CDH18: variants seen among roughly 807,000 people sequenced by gnomAD.
CDH18 encodes cadherin 18, also known as cadherin-18.
CDH18 carries 31 observed loss-of-function variants against 67.9 expected under a neutral mutation model. The ratio of observed to expected loss-of-function variants is 0.46; its 90% confidence interval spans 0.34 to 0.62. CDH18 has a LOEUF of 0.62. Ranked by LOEUF, CDH18 falls within the 20% of genes least tolerant of loss-of-function variation. The pLI is 0.01. For synonymous variants in CDH18, 362 were observed against 347.2 expected, an observed-to-expected ratio of 1.04 and a Z score of -0.48; for missense variants, 890 against 975.5, an observed-to-expected ratio of 0.91 and a Z score of 1.17.
rs549632148 is a variant in CDH18 at position 19,981,806 on chromosome 5, A to G, written c.-375-628T>C. ...CACTCTCCCTGGAATATGGTTCCTG[A>G]GACAGCAACATGGTTCATATCCACA... On this transcript the variant is annotated intron_variant, in intron 1 of 12. Coordinates refer to ENST00000382275, the MANE Select transcript of CDH18 (RefSeq NM_004934.5). 2.6e-5 allele frequency among the ~76,000 whole-genome samples: 4 copies of G among 152,252 alleles called. No homozygotes were observed. In the East Asian group the frequency reaches 7.7e-4, roughly 29 times the overall value.
chr5:20,453,453 G>A (rs1253302922), intron 1 of CDH18, among the ~76,000 whole-genome samples: 1 of 151,986 alleles, frequency 6.6e-6, no homozygotes, highest in African/African-American at 2.4e-5. Context: ...CAACAAATAA[G>A]CTAGAAAGAA....
At chr5:19,521,635 A>G (rs910160520) in intron 9 of CDH18, among the ~76,000 whole-genome samples, 5 of 152,152 alleles carry the variant, frequency 3.3e-5, no homozygotes, top group African/African-American at 1.2e-4. Flanking sequence ...CAATATTGGG[A>G]AAAAGGGAAT....
chr5:20,107,318 C>G lies in CDH18; in HGVS notation c.-517-115304G>C, dbSNP rs574094845. Among the ~76,000 whole-genome samples the G allele has an allele frequency of 7.2e-5, 11 of 152,198 alleles. No homozygotes were observed. The South Asian group carries it at 2.3e-3, about 32-fold the overall frequency. ...GTCGATCTCCTTACCTCGTGATCCG[C>G]CTGCCTTGGCCTCCCAAAGTGCTGT... On this transcript the variant is annotated intron_variant, in intron 2 of 14. Coordinates refer to the CDH18 transcript ENST00000507958.
At chr5:20,506,271 G>T (rs914158589) in intron 1 of CDH18, among the ~76,000 whole-genome samples, 9 of 152,172 alleles carry the variant, frequency 5.9e-5, no homozygotes, top group Non-Finnish European at 2.9e-5. Flanking sequence ...CTCCTAACTT[G>T]CAGAATAGAA....
At chr5:19,932,749 C>A (rs1389089360) in intron 2 of CDH18, among the ~76,000 whole-genome samples, 1 of 151,466 alleles carries the variant, frequency 6.6e-6, no homozygotes, top group Admixed American at 6.6e-5. Context: ...TTTTCTTCAT[C>A]CCATGCCTAA....
rs576858734 is a variant in CDH18 at position 19,877,362 on chromosome 5, T to C, written c.-256-38120A>G. Among the ~76,000 whole-genome samples, 3 of 152,282 alleles carry C rather than the reference T, an allele frequency of 2.0e-5. No homozygotes were observed. In the East Asian group the frequency reaches 5.8e-4, roughly 29 times the overall value. On this transcript the variant is annotated intron_variant, in intron 2 of 12. Coordinates refer to ENST00000382275, the MANE Select transcript of CDH18 (RefSeq NM_004934.5). ...AATTTTAAATGTGGGTATGCTTTGA[T>C]TGAGCAATTCTAATTTGGGGATTTT...
chr5:20,489,945 A>G (rs950644057), intron 1 of CDH18, among the ~76,000 whole-genome samples: 1 of 151,776 alleles, frequency 6.6e-6, no homozygotes, highest in African/African-American at 2.4e-5. Context: ...TAAAGAAAAC[A>G]CTAGATTTTT....
rs79893244 is a variant in CDH18 at position 19,781,416 on chromosome 5, G to C, written c.229-34180C>G. 3.6e-3 allele frequency among the ~76,000 whole-genome samples: 544 copies of C among 152,118 alleles called. 1 individual carries two copies. The highest frequency in any genetic ancestry group is 0.012 in the African/African-American group (519 of 41,526). On this transcript the variant is annotated intron_variant, in intron 3 of 12. Transcript: ENST00000382275. ...TATTAGAAAATGGAAATATGTGTAT[G>C]ACCTACAAGTGTACTCCTTGAAAGA...
chr5:19,711,650 T>TAAAAAAAAAAAAAAA (rs3062941), intron 5 of CDH18, among the ~76,000 whole-genome samples: 3 of 115,602 alleles, frequency 2.6e-5, no homozygotes, highest in African/African-American at 1.1e-4. Context: ...TAGTATAAAG[T>TAAAAAAAAAAAAAAA]AAAAAAAAAA....
chr5:20,442,520 G>A (rs1749681234), intron 1 of CDH18, among the ~76,000 whole-genome samples: 1 of 151,854 alleles, frequency 6.6e-6, no homozygotes, highest in Non-Finnish European at 1.5e-5. Context: ...GTGCGCTAAT[G>A]GCAGTTGGCC....
At chr5:20,346,589 G>A (rs530185194) in intron 1 of CDH18, among the ~76,000 whole-genome samples, 1 of 152,144 alleles carries the variant, frequency 6.6e-6, no homozygotes, top group African/African-American at 2.4e-5. Context: ...AAAACTCTGG[G>A]CCTTGAGTTG....
chr5:20,088,240 G>A (rs767437273), intron 2 of CDH18, among the ~76,000 whole-genome samples: 10 of 152,128 alleles, frequency 6.6e-5, no homozygotes, highest in Admixed American at 1.3e-4. Context: ...TACAAATGTG[G>A]TTTCACTTAA....
At position 19,721,434 on chromosome 5, in the gene CDH18, C is replaced by T; in HGVS notation, c.556G>A (p.Ala186Thr). ...TSVLQVTATDADDPTYGNSAR... is the reference protein window; with the variant it reads ...TSVLQVTATDTDDPTYGNSAR... ...CTGTTTCCATAGGTAGGGTCATCTG[C>T]ATCAGTAGCTGTCACCTGTAGAACA... The change falls in exon 5 of 13, where the codon GCA (alanine) becomes ACA (threonine). Residue 186 changes from alanine to threonine, a missense_variant. Physicochemically the swap from Ala to Thr is moderately conservative, Grantham distance 58. This residue lies in a region of CDH18 where 234 missense variants were observed against 307.4 expected (regional missense o/e 0.76). Coordinates refer to ENST00000382275, the MANE Select transcript of CDH18 (RefSeq NM_004934.5). 1 of 1,612,280 alleles carries T rather than the reference C, an allele frequency of 6.2e-7. No homozygotes were observed. The highest frequency in any genetic ancestry group is 8.5e-7 in the Non-Finnish European group (1 of 1,178,622).
intron 1 of CDH18, among the ~76,000 whole-genome samples, chr5:20,376,180 G>A (rs527794653): frequency 1.4e-5 from 2 of 140,872 alleles, no homozygotes; most frequent in East Asian, 2.3e-4. Context: ...TGCAGGCTCC[G>A]CCTCCCGGGT....
intron 2 of CDH18, among the ~76,000 whole-genome samples, chr5:20,030,686 T>C (rs1189526534): frequency 1.3e-5 from 2 of 152,126 alleles, no homozygotes; most frequent in African/African-American, 2.4e-5. Flanking sequence ...CAGATGTGAA[T>C]GGCCAAAAAA....
intron 11 of CDH18, among the ~76,000 whole-genome samples, 198 bp from the exon 12 acceptor site, chr5:19,483,750 T>C (rs1203369215): frequency 6.6e-6 from 1 of 152,062 alleles, no homozygotes; most frequent in East Asian, 1.9e-4. Context: ...GAAAAATTAA[T>C]ACAGCCACAC....
chr5:19,831,090 G>A (rs1780977040), intron 3 of CDH18, among the ~76,000 whole-genome samples: 1 of 152,106 alleles, frequency 6.6e-6, no homozygotes, highest in Non-Finnish European at 1.5e-5. Flanking sequence ...CAGGTACTAT[G>A]CTTATTACCT....
At chr5:20,214,879 A>T (rs1486629469) in intron 2 of CDH18, among the ~76,000 whole-genome samples, 5 of 152,124 alleles carry the variant, frequency 3.3e-5, no homozygotes, top group Non-Finnish European at 5.9e-5. Flanking sequence ...TCACAGCAAA[A>T]GAAACTATCA....
At chr5:19,866,269 T>A (rs563577198) in intron 2 of CDH18, among the ~76,000 whole-genome samples, 1 of 152,160 alleles carries the variant, frequency 6.6e-6, no homozygotes, top group African/African-American at 2.4e-5. Flanking sequence ...ATAATCAGTA[T>A]AATCAAATTA....
Sources: allele counts gnomAD v4.1 joint callset (sites outside exome capture counted in the v4.1 genomes callset), GRCh38; gene constraint gnomAD v4.1.1; regional missense constraint gnomAD v4.1.1; transcripts MANE v1.5; gene names NCBI Gene and HGNC (gene_info 2026-07-23, HGNC 2026-07-21).